COG5: variants seen among roughly 807,000 people sequenced by gnomAD.
COG5 encodes the protein component of oligomeric golgi complex 5, also known as conserved oligomeric Golgi complex subunit 5.
COG5 carries 86 observed loss-of-function variants against 110.4 expected under a neutral mutation model. That is an observed-to-expected ratio of 0.78 (90% CI 0.65 to 0.93). The LOEUF is 0.93. Ranked by LOEUF, COG5 falls within the 40% of genes least tolerant of loss-of-function variation. The pLI, the probability that COG5 is intolerant of heterozygous loss-of-function variation, is 0.00. For missense variants in COG5, 1,077 were observed against 987.0 expected, an observed-to-expected ratio of 1.09 and a Z score of -1.22; for synonymous variants, 360 against 334.6, an observed-to-expected ratio of 1.08 and a Z score of -0.83.
intron 7 of COG5, among the ~76,000 whole-genome samples, chr7:107,391,070 G>A (rs188400103): frequency 7.2e-5 from 11 of 152,194 alleles, no homozygotes; most frequent in South Asian, 6.2e-4. Context: ...GACCATCCAC[G>A]GATGCATGAT....
intron 6 of COG5, among the ~76,000 whole-genome samples, chr7:107,430,555 T>C (rs1167935641): frequency 6.6e-6 from 1 of 152,230 alleles, no homozygotes; most frequent in African/African-American, 2.4e-5. Flanking sequence ...CAAGTTGATT[T>C]TGGCTATTCT....
At chr7:107,247,121 G>C (rs1305408747) in intron 17 of COG5, among the ~76,000 whole-genome samples, 2 of 152,164 alleles carry the variant, frequency 1.3e-5, no homozygotes, top group African/African-American at 4.8e-5. Context: ...TGCAGGAACA[G>C]AAAACCAAAT....
intron 15 of COG5, 33 bp from the exon 16 acceptor site, chr7:107,256,827 G>A (rs770891382): frequency 7.3e-6 from 11 of 1,505,762 alleles, no homozygotes; most frequent in Middle Eastern, 1.9e-4. Flanking sequence ...TTATAGTTTC[G>A]CTTAAGTCTA....
chr7:107,551,532 C>A (rs1802889997), intron 3 of COG5, among the ~76,000 whole-genome samples: 1 of 152,140 alleles, frequency 6.6e-6, no homozygotes, highest in South Asian at 2.1e-4. Context: ...TGTATACACA[C>A]CACACTTACT....
chr7:107,355,560 G>A (rs1176262765), intron 10 of COG5, among the ~76,000 whole-genome samples: 2 of 152,154 alleles, frequency 1.3e-5, no homozygotes, highest in Non-Finnish European at 2.9e-5. Context: ...ACAAACTGAG[G>A]TATAGCTAGG....
intron 14 of COG5, among the ~76,000 whole-genome samples, chr7:107,273,216 T>C (rs1204795266): frequency 1.3e-5 from 2 of 152,192 alleles, no homozygotes; most frequent in Non-Finnish European, 2.9e-5. Context: ...ATCTTGCTGT[T>C]TGTCACACTA....
At chr7:107,303,246 C>G (rs1807431828) in intron 11 of COG5, among the ~76,000 whole-genome samples, 1 of 151,898 alleles carries the variant, frequency 6.6e-6, no homozygotes, top group Admixed American at 6.6e-5. Flanking sequence ...GGGACAGTAT[C>G]ATTTTCACAA....
rs568658065 is a variant in COG5 at position 107,546,466 on chromosome 7, C to T, written c.417+1645G>A. 1.2e-3 allele frequency among the ~76,000 whole-genome samples: 135 copies of T among 111,870 alleles called. 3 individuals are homozygous for T. Among genetic ancestry groups the T allele is most frequent in the Admixed American group, 9.0e-4 (9 of 9,966 alleles). The allele number at this position is 111,870 out of a possible 152,430, so 73.4% of individuals were successfully genotyped here. A position where few individuals can be genotyped will look rare whatever the true frequency, so the allele number is the denominator to read the frequency against. On this transcript the variant is annotated intron_variant, in intron 5 of 21. Coordinates refer to ENST00000297135, the MANE Select transcript of COG5 (RefSeq NM_006348.5). ...TTTTTTTTTTTTTGAGACAAGGTCT[C>T]GCTCTTTTGTCCAGGCTCCAGTACA...
chr7:107,427,663 C>T (rs527841386), intron 6 of COG5, among the ~76,000 whole-genome samples: 3 of 152,006 alleles, frequency 2.0e-5, no homozygotes, highest in Admixed American at 2.0e-4. Flanking sequence ...CCAGGCCTGC[C>T]ACTGGAGACA....
chr7:107,352,022 C>T (rs368942448), intron 10 of COG5, among the ~76,000 whole-genome samples: 4,621 of 123,504 alleles, frequency 0.037, 115 homozygotes, highest in East Asian at 0.084. Context: ...ATGTTTATTG[C>T]GGCACTATTC....
rs989626759 is a variant in COG5 at position 107,252,633 on chromosome 7, T to C, written c.1749+4099A>G. Among the ~76,000 whole-genome samples, 8 of 152,252 alleles carry C rather than the reference T, an allele frequency of 5.3e-5. No individual in the cohort carries two copies. In the South Asian group the frequency reaches 1.0e-3, roughly 20 times the overall value. On this transcript the variant is annotated intron_variant, in intron 16 of 21. Transcript: ENST00000297135. ...TGACAATATACCTTATGAATATAGA[T>C]GTAAGTAAGCATCCTTAACAAAAAT...
chr7:107,392,623 A>G lies in COG5; in HGVS notation c.670-19863T>C, dbSNP rs958014532. Among the ~76,000 whole-genome samples the G allele has an allele frequency of 2.0e-5, 3 of 152,062 alleles. No individual in the cohort carries two copies. In the East Asian group the frequency reaches 5.8e-4, roughly 29 times the overall value. On this transcript the variant is annotated intron_variant, in intron 7 of 21. Coordinates refer to ENST00000297135, the MANE Select transcript of COG5 (RefSeq NM_006348.5). Reference sequence around the variant, plus strand: ...TTCTGTTTCACTAAGAATATTAAAAAACAACTTACTATCTACTATCACTAA... The same window carrying G: ...TTCTGTTTCACTAAGAATATTAAAAGACAACTTACTATCTACTATCACTAA...
intron 21 of COG5, chr7:107,209,646 T>A (rs1041879826): frequency 1.5e-5 from 3 of 196,030 alleles, no homozygotes; most frequent in African/African-American, 2.4e-5. Context: ...CAAAAAAAAA[T>A]GGCCAGAGAA....
At chr7:107,436,186 G>C (rs1288734269) in intron 6 of COG5, among the ~76,000 whole-genome samples, 1 of 152,156 alleles carries the variant, frequency 6.6e-6, no homozygotes, top group East Asian at 1.9e-4. Context: ...ATTCACAGTA[G>C]CCAAGACACT....
chr7:107,435,033 C>T (rs1794281552), intron 6 of COG5, among the ~76,000 whole-genome samples: 1 of 151,002 alleles, frequency 6.6e-6, no homozygotes, highest in Non-Finnish European at 1.5e-5. Flanking sequence ...GGACATTATG[C>T]AAAATGAAAT....
At chr7:107,555,693 T>C (rs544321316) in intron 2 of COG5, among the ~76,000 whole-genome samples, 1 of 152,196 alleles carries the variant, frequency 6.6e-6, no homozygotes, top group Non-Finnish European at 1.5e-5. Context: ...TAAATGATTT[T>C]TCCAAGAGTT....
intron 5 of COG5, among the ~76,000 whole-genome samples, chr7:107,540,857 ATATAT>A (rs910170303): frequency 2.6e-5 from 4 of 152,092 alleles, no homozygotes; most frequent in Non-Finnish European, 1.5e-5. Context: ...AAATGTTAAA[ATATAT>A]TTTATAGGCC....
intron 7 of COG5, among the ~76,000 whole-genome samples, chr7:107,403,364 T>A (rs777022364): frequency 1.3e-5 from 2 of 152,036 alleles, no homozygotes; most frequent in Non-Finnish European, 2.9e-5. Context: ...GGGCTCATGT[T>A]CCTAGTTCAC....
intron 6 of COG5, among the ~76,000 whole-genome samples, chr7:107,438,232 A>C (rs1794480694): frequency 6.6e-6 from 1 of 151,982 alleles, no homozygotes; most frequent in Admixed American, 6.6e-5. Context: ...TCTATCCTCC[A>C]CTCTTTTCTA....
Sources: allele counts gnomAD v4.1 joint callset (sites outside exome capture counted in the v4.1 genomes callset), GRCh38; gene constraint gnomAD v4.1.1; transcripts MANE v1.5; gene names NCBI Gene and HGNC (gene_info 2026-07-23, HGNC 2026-07-21).